Variants in TK2 observed in about 807,000 individuals in gnomAD.
TK2 encodes thymidine kinase 2, mitochondrial.
In TK2, 35 loss-of-function variants were observed where a neutral mutation model predicts 41.9. The ratio of observed to expected loss-of-function variants is 0.84; its 90% CI spans 0.64 to 1.11. The LOEUF is 1.11. Among genes scored for constraint, TK2 ranks in the 50% least tolerant of loss-of-function variants. The pLI, the probability that TK2 is intolerant of heterozygous loss-of-function variation, is 0.00. For missense variants in TK2, 320 were observed against 351.1 expected (o/e 0.91, Z 0.71); for synonymous variants, 128 against 129.1 (o/e 0.99, Z 0.06).
intron 2 of TK2, among the ~76,000 whole-genome samples, chr16:66,545,052 C>T (rs1428511734): frequency 6.7e-6 from 1 of 150,342 alleles, no homozygotes; most frequent in Non-Finnish European, 1.5e-5. Flanking sequence ...CGAGATCACA[C>T]CACTGCACTC....
intron 6 of TK2, among the ~76,000 whole-genome samples, chr16:66,524,628 A>T (rs1465867115): frequency 1.3e-5 from 2 of 152,066 alleles, no homozygotes; most frequent in Non-Finnish European, 2.9e-5. Context: ...ATAAGCCACT[A>T]CACCCGGCCC....
At chr16:66,543,127 G>A (rs1185962425) in intron 2 of TK2, among the ~76,000 whole-genome samples, 1 of 152,338 alleles carries the variant, frequency 6.6e-6, no homozygotes, top group East Asian at 1.9e-4. Context: ...ACCCGCCTCA[G>A]CCTCCCAAAG....
At chr16:66,526,145 G>C (rs1160945881) in intron 6 of TK2, among the ~76,000 whole-genome samples, 2 of 152,160 alleles carry the variant, frequency 1.3e-5, no homozygotes, top group Non-Finnish European at 2.9e-5. Flanking sequence ...AATCTACCTA[G>C]CGCTGGGTGG....
chr16:66,523,357 C>T (rs12445633), intron 6 of TK2, among the ~76,000 whole-genome samples: 10,489 of 152,266 alleles, frequency 0.069, 499 homozygotes, highest in Non-Finnish European at 0.11. Flanking sequence ...CAGGAGCTGA[C>T]GCCCCACATG....
intron 6 of TK2, among the ~76,000 whole-genome samples, chr16:66,519,255 A>T (rs771687413): frequency 1.3e-5 from 2 of 150,060 alleles, no homozygotes; most frequent in Non-Finnish European, 3.0e-5. Context: ...CTCAGCTCAC[A>T]GCAATCTCCG....
intron 3 of TK2, among the ~76,000 whole-genome samples, chr16:66,539,650 A>G (rs909525169): frequency 2.6e-5 from 4 of 151,798 alleles, no homozygotes; most frequent in African/African-American, 9.7e-5. Flanking sequence ...AAGGATCAGC[A>G]AAGGGAAAAA....
intron 5 of TK2, among the ~76,000 whole-genome samples, chr16:66,529,695 C>T (rs891609126): frequency 6.6e-6 from 1 of 152,164 alleles, no homozygotes; most frequent in East Asian, 1.9e-4. Context: ...ACCCTTGATG[C>T]CAGGCACACT....
rs1371149492 is a variant in TK2 at position 66,508,431 on chromosome 16, T to C, written c.*3537A>G. On this transcript the variant is annotated 3_prime_UTR_variant, in exon 10 of 10. Transcript: ENST00000544898. ...GGCAGCCAGGGATGTATTATTGCTA[T>C]TCCATTCTGAACAATGGATGACTGA... 1.3e-5 allele frequency: 2 copies of C among 152,288 alleles called. No homozygotes were observed. The highest frequency in any genetic ancestry group is 1.9e-4 in the East Asian group (1 of 5,202). The allele number at this position is 152,288 out of a possible 1,614,324, so 9.4% of individuals were successfully genotyped here. A position where few individuals can be genotyped will look rare whatever the true frequency, so the allele number is the denominator to read the frequency against.
chr16:66,549,902 G>C (rs749655552), intron 1 of TK2, 36 bp downstream of exon 1: 3 of 1,336,834 alleles, frequency 2.2e-6, no homozygotes, highest in East Asian at 3.0e-5. Context: ...TGGGCGCATA[G>C]GGGCTCCTGG....
chr16:66,548,122 T>C, intron 2 of TK2: 1 of 433,238 alleles, frequency 2.3e-6, no homozygotes. Flanking sequence ...AACTTTGCAT[T>C]TCCCTCCCCT....
intron 1 of TK2, chr16:66,549,485 G>A: frequency 2.9e-6 from 3 of 1,039,410 alleles, no homozygotes; most frequent in Non-Finnish European, 3.5e-6. Context: ...CCAGAACCCG[G>A]GTGTAACAGT....
rs540037010 is a variant in TK2, at chr16:66,547,902, C to A, written c.156+1076G>T. On this transcript the variant is annotated intron_variant, in intron 2 of 9. Coordinates refer to ENST00000544898, the MANE Select transcript of TK2 (RefSeq NM_004614.5). ...CACATCAAACCACACCCAAAAAGCA[C>A]AAAGAACAGGCCCAGCTCACATCAA... is the stretch of plus-strand genomic sequence containing the variant. 3.2e-6 allele frequency: 4 copies of A among 1,266,324 alleles called. No homozygotes were observed. In the South Asian group the frequency reaches 3.8e-5, roughly 12 times the overall value. The allele number at this position is 1,266,324 out of a possible 1,614,324, so 78.4% of individuals were successfully genotyped here. A position where few individuals can be genotyped will look rare whatever the true frequency, so the allele number is the denominator to read the frequency against.
Position 66,517,844 on chromosome 16 carries a change from C to T in TK2, c.483G>A (p.Leu161=), listed in dbSNP as rs1485696329. 8.1e-6 allele frequency: 13 copies of T among 1,614,172 alleles called. No individual in the cohort carries two copies. The highest frequency in any genetic ancestry group is 1.1e-5 in the Non-Finnish European group (13 of 1,180,026). ...GKMPEVDYVV[L]SEWFDWILRN... ...TCAAGATCCAGTCAAACCATTCCGA[C>T]AGAACTACATAGTCCACTTCTGGCA... The change falls in exon 7 of 10, where the codon CTG becomes CTA. Residue 161 remains leucine (L), a synonymous_variant. Coordinates refer to ENST00000544898, the MANE Select transcript of TK2 (RefSeq NM_004614.5). The surrounding 1 kb of genome is among the most constrained non-coding windows in gnomAD (Gnocchi z 4.3).
chr16:66,532,073 C>G (rs901051658), intron 4 of TK2, among the ~76,000 whole-genome samples: 1 of 144,916 alleles, frequency 6.9e-6, no homozygotes, highest in African/African-American at 2.6e-5. Flanking sequence ...GAAATATACC[C>G]AGGTAACAAA....
At chr16:66,528,921 G>A (rs1378634458) in intron 6 of TK2, 73 bp downstream of exon 6, 38 of 1,434,804 alleles carry the variant, frequency 2.6e-5, no homozygotes, top group Admixed American at 1.0e-4. Context: ...TCTGTCAATC[G>A]AATAAACAAG....
intron 4 of TK2, among the ~76,000 whole-genome samples, chr16:66,534,991 A>G (rs995866454): frequency 6.6e-6 from 1 of 151,806 alleles, no homozygotes; most frequent in Non-Finnish European, 1.5e-5. Context: ...CCTTTTCCTC[A>G]TTTTTGCTTT....
intron 5 of TK2, 134 bp from the exon 6 acceptor site, chr16:66,529,201 G>A: frequency 1.2e-6 from 1 of 846,744 alleles, no homozygotes; most frequent in Non-Finnish European, 2.0e-6. Context: ...AGAGAGTGAA[G>A]CAGGAGGACC....
At position 66,548,982 on chromosome 16, in the gene TK2, G is replaced by T. The variant is rs1170449210; in HGVS notation, c.152C>A (p.Ser51Ter). Residue 51 changes from serine (S) to a stop codon, truncating the protein, a stop_gained, in exon 2 of 10, where the codon TCA (serine) becomes TAA (stop). Coordinates refer to ENST00000544898, the MANE Select transcript of TK2 (RefSeq NM_004614.5). LOFTEE classifies it high-confidence loss of function. ...ACACATAAAAGAGGGACTTACCACT[G>T]ATTTTTTCTCTTTTTCCTGTTCTTT... ...PDKEQEKEKK[S>*]VICVEGNIAS... 3.1e-6 allele frequency: 5 copies of T among 1,613,260 alleles called. No individual in the cohort carries two copies. The highest frequency in any genetic ancestry group is 4.2e-6 in the Non-Finnish European group (5 of 1,179,438).
At position 66,531,417 on chromosome 16, in the gene TK2, A is replaced by T. The variant is rs746707855; in HGVS notation, c.338T>A (p.Val113Glu). The change falls in exon 5 of 10, where the codon GTG (valine) becomes GAG (glutamate). Residue 113 changes from valine (V) to glutamate (E), a missense_variant. Coordinates refer to ENST00000544898, the MANE Select transcript of TK2 (RefSeq NM_004614.5). ...ATGCCTGTCCAGCATGGTGAGCTGC[A>T]CATAAGTCTGTAGCGTAAGACCCCA... Reference protein sequence around the residue: ...SRWGLTLQTYVQLTMLDRHTR... With the variant: ...SRWGLTLQTYEQLTMLDRHTR... The T allele has an allele frequency of 1.4e-5, 22 of 1,614,108 alleles. No homozygotes were observed. The highest frequency in any genetic ancestry group is 1.3e-5 in the Non-Finnish European group (15 of 1,180,040).
Sources: allele counts gnomAD v4.1 joint callset (sites outside exome capture counted in the v4.1 genomes callset), GRCh38; gene constraint gnomAD v4.1.1; non-coding constraint Gnocchi (gnomAD v3.1); transcripts MANE v1.5; gene names NCBI Gene and HGNC (gene_info 2026-07-23, HGNC 2026-07-21).